ITGB4: variants seen among roughly 807,000 people sequenced by gnomAD.
The protein encoded by ITGB4 is integrin beta-4.
In ITGB4, 159 loss-of-function variants were observed where a neutral mutation model predicts 207.6. The ratio of observed to expected loss-of-function variants is 0.77; its 90% CI spans 0.67 to 0.87. The LOEUF is 0.87. Among genes scored for constraint, ITGB4 ranks in the 40% least tolerant of loss-of-function variants. ITGB4 has a pLI of 0.00. For synonymous variants in ITGB4, 1,020 were observed against 1,062.7 expected, an observed-to-expected ratio of 0.96 and a Z score of 0.78; for missense variants, 2,278 against 2,546.8, an observed-to-expected ratio of 0.89 and a Z score of 2.27.
chr17:75,733,240 G>C (rs1411120919), intron 12 of ITGB4, among the ~76,000 whole-genome samples: 1 of 152,002 alleles, frequency 6.6e-6, no homozygotes, highest in Non-Finnish European at 1.5e-5. Flanking sequence ...CAAAAAATTA[G>C]CCGGGCGTAG....
In ITGB4 at chr17:75,740,517, T is replaced by G. The variant is rs2143087236; in HGVS notation, c.2550+56T>G. ...GATGTGGGTATGAGGGCGGGTGAGGTGGGCAGGGCAGAGCGAATGCGGTCG... is the reference window on the plus strand; with the variant it reads ...GATGTGGGTATGAGGGCGGGTGAGGGGGGCAGGGCAGAGCGAATGCGGTCG... On this transcript the variant is annotated intron_variant, in intron 21 of 39. Coordinates refer to ENST00000200181, the MANE Select transcript of ITGB4 (RefSeq NM_000213.5). This position sits in a 1 kb window ranked among gnomAD's most constrained non-coding sequence, Gnocchi z 5.9. The G allele has an allele frequency of 1.1e-5, 15 of 1,304,428 alleles. No homozygotes were observed. The highest frequency in any genetic ancestry group is 1.4e-5 in the Non-Finnish European group (13 of 901,896). 80.8% of individuals were successfully genotyped at this position (1,304,428 alleles called of 1,614,324 possible). A position where few individuals can be genotyped will look rare whatever the true frequency, so the allele number is the denominator to read the frequency against.
At position 75,731,298 on chromosome 17, in the gene ITGB4, G is replaced by A. The variant is rs762334700; in HGVS notation, c.1145G>A (p.Arg382Gln). 9.3e-6 allele frequency: 15 copies of A among 1,613,472 alleles called. No individual in the cohort carries two copies. The highest frequency in any genetic ancestry group is 6.7e-5 in the African/African-American group (5 of 74,928). The change falls in exon 10 of 40, where the codon CGG becomes CAG. Residue 382 changes from arginine (R) to glutamine (Q), a missense_variant. Physicochemically the swap from Arg to Gln is conservative, Grantham distance 43. Coordinates refer to ENST00000200181, the MANE Select transcript of ITGB4 (RefSeq NM_000213.5). The surrounding 1 kb of genome is among the most constrained non-coding windows in gnomAD (Gnocchi z 6.8). ...GCCCTAGACAGCCCCCGAGGCCTTC[G>A]GACAGAGGTCACCTCCAAGATGTTC... ...IRALDSPRGL[R>Q]TEVTSKMFQK...
rs371456397 is a variant in ITGB4 at position 75,730,871 on chromosome 17, G to A, written c.1003-4G>A. 3.4e-4 allele frequency: 542 copies of A among 1,610,854 alleles called. 9 individuals carry two copies. In the South Asian group the frequency reaches 4.1e-3, roughly 12 times the overall value. ...AGCCTGAGACCTGGCCTTCTCTCCCGCAGAAGCTTCACACCTATTTCCCTG... is the reference window on the plus strand; with the variant it reads ...AGCCTGAGACCTGGCCTTCTCTCCCACAGAAGCTTCACACCTATTTCCCTG... On this transcript the variant is annotated splice_region_variant and splice_polypyrimidine_tract_variant and intron_variant, in intron 8 of 39. Coordinates refer to ENST00000200181, the MANE Select transcript of ITGB4 (RefSeq NM_000213.5).
In ITGB4 at chr17:75,757,140, C is replaced by T. The variant is rs201014712; in HGVS notation, c.5218+33C>T. On this transcript the variant is annotated intron_variant, in intron 38 of 39. Coordinates refer to ENST00000200181, the MANE Select transcript of ITGB4 (RefSeq NM_000213.5). ...CCTGTCCTTTCCTTCACCCCCACCC[C>T]TCCTCGGGCCGTGCCTCCTTCTGGC... The T allele has an allele frequency of 3.6e-3, 5,846 of 1,612,894 alleles. 11 individuals carry two copies. Among genetic ancestry groups the T allele is most frequent in the Non-Finnish European group, 4.5e-3 (5,347 of 1,179,958 alleles).
intron 6 of ITGB4, 138 bp downstream of exon 6, chr17:75,728,611 G>A (rs2060778397): frequency 2.8e-6 from 2 of 718,970 alleles, no homozygotes; most frequent in Non-Finnish European, 4.9e-6. Flanking sequence ...CACTTTGGGA[G>A]ACCAGGGCGG....
chr17:75,756,420 TC>T lies in ITGB4; in HGVS notation c.4709-3del, dbSNP rs56408237. 795 of 1,612,568 alleles carry T rather than the reference TC, an allele frequency of 4.9e-4. 10 individuals carry two copies. The East Asian group carries it at 0.014, about 29-fold the overall frequency. ...TGCACTACTGTGTGCCCCCACCTGATCCCCCCAGGTGAGCTGCATCGGCTCA... is the reference window on the plus strand; with the variant it reads ...TGCACTACTGTGTGCCCCCACCTGATCCCCCAGGTGAGCTGCATCGGCTCA... On this transcript the variant is annotated splice_polypyrimidine_tract_variant and splice_region_variant and intron_variant, in intron 35 of 39. Transcript: ENST00000200181.
intron 35 of ITGB4, 132 bp downstream of exon 35, chr17:75,755,982 G>C (rs2061490882): frequency 1.8e-6 from 2 of 1,134,740 alleles, no homozygotes; most frequent in Non-Finnish European, 2.5e-6. Context: ...CATCCAGCCT[G>C]AGAGGGTCTC....
In ITGB4 at chr17:75,751,026, C is replaced by G; in HGVS notation, c.3708C>G (p.Thr1236=). ...LAFNVVSSTV[T]QLSWAEPAET... ...TCAATGTCGTCTCCTCCACGGTGAC[C>G]CAGCTGAGCTGGGCTGAGCCGGCTG... Residue 1236 remains threonine, a synonymous_variant, in exon 30 of 40, where the codon ACC becomes ACG. Coordinates refer to ENST00000200181, the MANE Select transcript of ITGB4 (RefSeq NM_000213.5). 12 of 1,613,880 alleles carry G rather than the reference C, an allele frequency of 7.4e-6. No individual in the cohort carries two copies. Among genetic ancestry groups the G allele is most frequent in the Non-Finnish European group, 1.0e-5 (12 of 1,180,022 alleles).
At position 75,756,488 on chromosome 17, in the gene ITGB4, C is replaced by A. The variant is rs1348340809; in HGVS notation, c.4768C>A (p.Leu1590Ile). The A allele has an allele frequency of 1.2e-6, 2 of 1,613,280 alleles. No homozygotes were observed. Among genetic ancestry groups the A allele is most frequent in the Admixed American group, 1.7e-5 (1 of 60,016 alleles). The change falls in exon 36 of 40, where the codon CTC (leucine) becomes ATC (isoleucine). Residue 1590 changes from leucine (L) to isoleucine (I), a missense_variant. By Grantham distance (5) the Leu-to-Ile change is conservative. Transcript: ENST00000200181. ...CCAGACCTCGGTGGTGGTGGAAGAC[C>A]TCCTGCCCAACCACTCCTACGTGTT... ...PAQTSVVVED[L>I]LPNHSYVFRV...
rs1056451931 is a variant in ITGB4 at position 75,727,349 on chromosome 17, T to G, written c.163-55T>G. 6 of 1,612,168 alleles carry G rather than the reference T, an allele frequency of 3.7e-6. No homozygotes were observed. Among genetic ancestry groups the G allele is most frequent in the Non-Finnish European group, 5.1e-6 (6 of 1,178,434 alleles). On this transcript the variant is annotated intron_variant, in intron 3 of 39. Transcript: ENST00000200181. The surrounding 1 kb of genome is among the most constrained non-coding windows in gnomAD (Gnocchi z 6.0). ...TAGCTGGTGGAAATGAATCTAGGGTTGGGGCAGCCAGGGAATGGGTGCTGC... is the reference window on the plus strand; with the variant it reads ...TAGCTGGTGGAAATGAATCTAGGGTGGGGGCAGCCAGGGAATGGGTGCTGC...
chr17:75,740,405 C>T lies in ITGB4; in HGVS notation c.2494C>T (p.Leu832=). Residue 832 remains leucine, a synonymous_variant, in exon 21 of 40, where the codon CTG becomes TTG. Transcript: ENST00000200181. This position sits in a 1 kb window ranked among gnomAD's most constrained non-coding sequence, Gnocchi z 5.9. The stretch of plus-strand genomic sequence containing the variant: ...CCTGGCCCGCCTTTGCACCGAGAAC[C>T]TGCTGAAGCCTGACACTCGGGAGTG... ...LRLARLCTEN[L]LKPDTRECAQ... 1 of 1,613,954 alleles carries T rather than the reference C, an allele frequency of 6.2e-7. No individual in the cohort carries two copies. The highest frequency in any genetic ancestry group is 8.5e-7 in the Non-Finnish European group (1 of 1,180,030).
At chr17:75,755,100 C>T (rs376700124) in intron 34 of ITGB4, 197 of 1,605,000 alleles carry the variant, frequency 1.2e-4, no homozygotes, top group Non-Finnish European at 1.5e-4. Context: ...CTTCCGCTGT[C>T]CTGGGCCCTG....
intron 18 of ITGB4, 106 bp downstream of exon 18, chr17:75,737,750 C>T: frequency 1.1e-6 from 1 of 923,394 alleles, no homozygotes; most frequent in Non-Finnish European, 1.7e-6. Flanking sequence ...GTTCTCATCT[C>T]CCCAGGGTCC....
rs750085351 is a variant in ITGB4, at chr17:75,736,559, G to A, written c.1861-6G>A. 1.8e-5 allele frequency: 29 copies of A among 1,595,376 alleles called. No individual in the cohort carries two copies. The East Asian group carries it at 2.9e-4, about 16-fold the overall frequency. ...GTGCCTGTCTGCCCCGCCTTTCCCC[G>A]CCAAGATCCACCCGGGCCTCTGCGA... On this transcript the variant is annotated splice_region_variant and splice_polypyrimidine_tract_variant and intron_variant, in intron 15 of 39. Transcript: ENST00000200181.
At position 75,729,045 on chromosome 17, in the gene ITGB4, C is replaced by T. The variant is rs1490757916; in HGVS notation, c.567-220C>T. Among the ~76,000 whole-genome samples, 1 of 150,154 alleles carries T rather than the reference C, an allele frequency of 6.7e-6. No homozygotes were observed. The highest frequency in any genetic ancestry group is 2.5e-5 in the African/African-American group (1 of 40,742). On this transcript the variant is annotated intron_variant, in intron 6 of 39. Coordinates refer to ENST00000200181, the MANE Select transcript of ITGB4 (RefSeq NM_000213.5). This position sits in a 1 kb window ranked among gnomAD's most constrained non-coding sequence, Gnocchi z 4.4. ...TGGTGGTGGGCGCCTGTAATTCCAG[C>T]TACTTGGGAGGCTGAGGCAGGAGAA...
At chr17:75,755,591 G>T in intron 34 of ITGB4, 110 bp from the exon 35 acceptor site, 1 of 1,379,078 alleles carries the variant, frequency 7.3e-7, no homozygotes, top group Non-Finnish European at 1.0e-6. Context: ...TCCAGCCAGC[G>T]GTCAGTGTAG....
intron 34 of ITGB4, 69 bp from the exon 35 acceptor site, chr17:75,755,632 G>C: frequency 1.3e-6 from 2 of 1,592,704 alleles, no homozygotes; most frequent in Non-Finnish European, 1.7e-6. Flanking sequence ...AGGTCAGGGG[G>C]CAGCACTGTG....
rs2060628402 is a variant in ITGB4 at position 75,722,151 on chromosome 17, C to T, written c.-11+539C>T. On this transcript the variant is annotated intron_variant, in intron 1 of 39. Coordinates refer to ENST00000200181, the MANE Select transcript of ITGB4 (RefSeq NM_000213.5). The surrounding 1 kb of genome is among the most constrained non-coding windows in gnomAD (Gnocchi z 6.2). ...GGGGAGTCCCTGATTTTCCTTTTCT[C>T]TTGGCCAAGCACAGGCCTGCCTTCC... is the stretch of plus-strand genomic sequence containing the variant. 6.6e-6 allele frequency among the ~76,000 whole-genome samples: 1 copy of T among 152,210 alleles called. No individual in the cohort carries two copies. The highest frequency in any genetic ancestry group is 2.4e-5 in the African/African-American group (1 of 41,450).
chr17:75,737,823 A>C (rs2061016307), intron 18 of ITGB4, among the ~76,000 whole-genome samples, 179 bp downstream of exon 18: 1 of 122,134 alleles, frequency 8.2e-6, no homozygotes, highest in Non-Finnish European at 1.7e-5. Context: ...CCCATCCTCC[A>C]CCACGGTCCC....
Sources: gnomAD v4.1 joint callset for allele counts (sites outside exome capture counted in the v4.1 genomes callset) on GRCh38, gnomAD v4.1.1 for gene constraint, Gnocchi (gnomAD v3.1) non-coding constraint, MANE v1.5 for transcripts, NCBI Gene and HGNC (gene_info 2026-07-23, HGNC 2026-07-21) for gene names.